The following ZAN variants were observed in gnomAD, a reference collection of about 807,000 sequenced individuals.
ZAN encodes the protein zonadhesin, also known as zonadhesin (gene/pseudogene).
A neutral mutation model predicts 286.2 loss-of-function variants in ZAN; 260 were observed. The ratio of observed to expected loss-of-function variants is 0.91; its 90% CI spans 0.82 to 1.01. The LOEUF (loss-of-function observed/expected upper bound fraction) is 1.01. Ranked by LOEUF, ZAN falls within the 50% of genes least tolerant of loss-of-function variation. ZAN has a pLI of 0.00. For synonymous variants in ZAN, 1,368 were observed against 1,417.5 expected (o/e 0.97, Z 0.79); for missense variants, 3,410 against 3,639.2 (o/e 0.94, Z 1.62).
intron 2 of ZAN, 114 bp downstream of exon 2, chr7:100,734,335 A>C (rs1325485714): frequency 1.3e-6 from 1 of 764,736 alleles, no homozygotes; most frequent in Admixed American, 3.3e-5. Context: ...AGATCTGGAG[A>C]GAGGCCAGGC....
In ZAN at chr7:100,760,403, C is replaced by G; in HGVS notation, c.3709C>G (p.Gln1237Glu). The G allele has an allele frequency of 6.2e-7, 1 of 1,613,786 alleles. No homozygotes were observed. The highest frequency in any genetic ancestry group is 8.5e-7 in the Non-Finnish European group (1 of 1,179,798). Residue 1237 changes from glutamine (Q) to glutamate (E), a missense_variant, in exon 19 of 48, where the codon CAA becomes GAA. Gln to Glu is a conservative substitution (Grantham distance 29). Around this residue, in one of 7 missense-constraint regions of ZAN, gnomAD observed 1,042 missense variants for 1,058.0 expected, o/e 0.98. Coordinates refer to ENST00000613979, the MANE Select transcript of ZAN (RefSeq NM_003386.3). ...CCCTGCCTTCCAGGTTGGGGGTCAGCAAGTTACTCTCCCAGCCATACCCTC... is the reference window on the plus strand; with the variant it reads ...CCCTGCCTTCCAGGTTGGGGGTCAGGAAGTTACTCTCCCAGCCATACCCTC... ...KGRRTLVGGQ[Q>E]VTLPAIPSKG...
chr7:100,758,282 T>C lies in ZAN; in HGVS notation c.3390T>C (p.Ser1130=). 2 of 1,613,338 alleles carry C rather than the reference T, an allele frequency of 1.2e-6. No individual in the cohort carries two copies. Among genetic ancestry groups the C allele is most frequent in the Non-Finnish European group, 1.7e-6 (2 of 1,179,870 alleles). The part of the protein sequence containing the change: ...WPGSRVECQI[S]QCGTHTVCQL... ...GCAGTCGGGTCGAGTGCCAGATCTCTCAGTGTGGGACACACACCGTGTGCC... is the reference window on the plus strand; with the variant it reads ...GCAGTCGGGTCGAGTGCCAGATCTCCCAGTGTGGGACACACACCGTGTGCC... Residue 1130 remains serine (S), a synonymous_variant, in exon 16 of 48, where the codon TCT becomes TCC. Coordinates refer to ENST00000613979, the MANE Select transcript of ZAN (RefSeq NM_003386.3).
At chr7:100,746,144 C>T (rs1405695808) in intron 7 of ZAN, among the ~76,000 whole-genome samples, 1 of 152,084 alleles carries the variant, frequency 6.6e-6, no homozygotes, top group Non-Finnish European at 1.5e-5. Context: ...GGGAGGATCA[C>T]CTGAGCCCGG....
chr7:100,774,949 T>TTTA (rs1810650294), intron 31 of ZAN, among the ~76,000 whole-genome samples: 1 of 152,086 alleles, frequency 6.6e-6, no homozygotes, highest in Non-Finnish European at 1.5e-5. Flanking sequence ...TGTTTGTTTT[T>TTTA]GATGCAGTGT....
rs952888066 is a variant in ZAN, at chr7:100,766,959, C to T, written c.4613-51C>T. On this transcript the variant is annotated intron_variant, in intron 24 of 47. Coordinates refer to ENST00000613979, the MANE Select transcript of ZAN (RefSeq NM_003386.3). ...CCAGGATGGCAGCTCTGAGTCAAAG[C>T]TTCCGGGGCATGGAGGAGTGAGACT... 1.2e-5 allele frequency: 20 copies of T among 1,602,394 alleles called. No individual in the cohort carries two copies. In the African/African-American group the frequency reaches 2.3e-4, roughly 18 times the overall value.
At chr7:100,762,428 T>C in intron 20 of ZAN, 70 bp downstream of exon 20, 286 of 1,420,310 alleles carry the variant, frequency 2.0e-4, no homozygotes, top group South Asian at 2.3e-4. Context: ...TCTTTTTTTT[T>C]TTTTTTTTTT....
chr7:100,738,898 T>C lies in ZAN; in HGVS notation c.766+285T>C, dbSNP rs1437783493. ...TTCTCCCTCTCCCTCTCCCTCTCCCTCTCCCTCTCCCTCTCCCTCTCCCTC... is the reference window on the plus strand; with the variant it reads ...TTCTCCCTCTCCCTCTCCCTCTCCCCCTCCCTCTCCCTCTCCCTCTCCCTC... On this transcript the variant is annotated intron_variant, in intron 7 of 47. Transcript: ENST00000613979. 1.7e-3 allele frequency among the ~76,000 whole-genome samples: 5 copies of C among 2,892 alleles called. No individual in the cohort carries two copies. The South Asian group carries it at 0.068, about 39-fold the overall frequency. 1.9% of individuals were successfully genotyped at this position (2,892 alleles called of 152,430 possible).
At chr7:100,737,171 G>A in intron 5 of ZAN, 91 bp downstream of exon 5, 3 of 1,426,210 alleles carry the variant, frequency 2.1e-6, no homozygotes, top group Middle Eastern at 1.7e-4. Context: ...GGATTGTGGG[G>A]GCCAAGCCAT....
chr7:100,793,295 C>T (rs1195545594), intron 42 of ZAN, among the ~76,000 whole-genome samples: 2 of 150,478 alleles, frequency 1.3e-5, no homozygotes, highest in East Asian at 1.9e-4. Context: ...GCCGTGATCA[C>T]GCCAGCCTGG....
chr7:100,735,698 CT>C (rs1807249054), intron 2 of ZAN, 21 bp from the exon 3 acceptor site: 1 of 1,489,474 alleles, frequency 6.7e-7, no homozygotes, highest in South Asian at 1.2e-5. Flanking sequence ...TGCATTTTTG[CT>C]TTCTTCAAAC....
Position 100,784,692 on chromosome 7 carries a change from T to C in ZAN, c.6692T>C (p.Leu2231Pro). ...LPSCSPSCWD[L>P]DGRCEGAKVP... Reference sequence around the variant, plus strand: ...TCCTGCTCACCCTCCTGCTGGGACCTGGATGGCCGGTGTGAGGGCGCCAAA... The same window carrying C: ...TCCTGCTCACCCTCCTGCTGGGACCCGGATGGCCGGTGTGAGGGCGCCAAA... Residue 2231 changes from leucine to proline, a missense_variant, in exon 36 of 48, where the codon CTG becomes CCG. Leu to Pro is a moderately conservative substitution (Grantham distance 98, BLOSUM62 -3). This residue lies in a region of ZAN where 1,289 missense variants were observed against 1,314.3 expected (regional missense o/e 0.98). Coordinates refer to ENST00000613979, the MANE Select transcript of ZAN (RefSeq NM_003386.3). 1 of 1,613,918 alleles carries C rather than the reference T, an allele frequency of 6.2e-7. No homozygotes were observed. The highest frequency in any genetic ancestry group is 2.2e-5 in the East Asian group (1 of 44,870).
intron 11 of ZAN, among the ~76,000 whole-genome samples, chr7:100,749,058 G>A (rs991765282): frequency 2.6e-5 from 4 of 152,036 alleles, no homozygotes; most frequent in Admixed American, 1.3e-4. Context: ...TAAAAAAATA[G>A]GCCAGGCATG....
chr7:100,794,379 G>T (rs1812212544), intron 44 of ZAN, 121 bp downstream of exon 44: 2 of 1,444,600 alleles, frequency 1.4e-6, no homozygotes, highest in Non-Finnish European at 1.8e-6. Context: ...GTCTGTCCCT[G>T]CCTTTGTAGG....
At chr7:100,759,690 C>T (rs1384687656) in intron 17 of ZAN, 31 bp from the exon 18 acceptor site, 2 of 1,563,334 alleles carry the variant, frequency 1.3e-6, no homozygotes, top group South Asian at 1.2e-5. Context: ...AAATGAGCCA[C>T]TGGGCTCTCT....
rs1275031385 is a variant in ZAN at position 100,767,859 on chromosome 7, T to C, written c.4889T>C (p.Val1630Ala). The C allele has an allele frequency of 6.2e-7, 1 of 1,613,864 alleles. No individual in the cohort carries two copies. Among genetic ancestry groups the C allele is most frequent in the Non-Finnish European group, 8.5e-7 (1 of 1,179,832 alleles). ...MLNGHRVALPVWLAQGRVTIR... is the reference protein window; with the variant it reads ...MLNGHRVALPAWLAQGRVTIR... The stretch of plus-strand genomic sequence containing the variant: ...AATGGCCATCGGGTGGCCCTACCTG[T>C]GTGGCTTGCACAAGGCCGGGTGACC... Residue 1630 changes from valine (V) to alanine (A), a missense_variant, in exon 26 of 48, where the codon GTG becomes GCG. Physicochemically the swap from Val to Ala is moderately conservative, Grantham distance 64 (BLOSUM62 0). Coordinates refer to ENST00000613979, the MANE Select transcript of ZAN (RefSeq NM_003386.3).
chr7:100,766,572 T>C lies in ZAN; in HGVS notation c.4518T>C (p.Cys1506=), dbSNP rs1190407628. 1.3e-6 allele frequency: 2 copies of C among 1,552,174 alleles called. No individual in the cohort carries two copies. The highest frequency in any genetic ancestry group is 2.4e-5 in the South Asian group (2 of 84,058). Residue 1506 remains cysteine, a synonymous_variant, in exon 24 of 48, where the codon TGT becomes TGC. Coordinates refer to ENST00000613979, the MANE Select transcript of ZAN (RefSeq NM_003386.3). Reference sequence around the variant, plus strand: ...CAGGCTGCAAAGAGTTGTGCGTCTGTGAAAGCAACAACAGAATTCGCTGCC... The same window carrying C: ...CAGGCTGCAAAGAGTTGTGCGTCTGCGAAAGCAACAACAGAATTCGCTGCC... ...YKPGCKELCV[C]ESNNRIRCQP...
chr7:100,746,063 A>G (rs1808195444), intron 7 of ZAN, among the ~76,000 whole-genome samples: 1 of 151,840 alleles, frequency 6.6e-6, no homozygotes, highest in South Asian at 2.1e-4. Flanking sequence ...ATCTTTTCAA[A>G]AAAAAATGCA....
intron 9 of ZAN, 150 bp from the exon 10 acceptor site, chr7:100,747,987 G>GAAAA (rs3884114): frequency 1.8e-3 from 1,058 of 582,648 alleles, no homozygotes; most frequent in Non-Finnish European, 2.8e-3. Flanking sequence ...GCAAGACTCT[G>GAAAA]AAAAAAAAAA....
rs1198399165 is a variant in ZAN at position 100,794,000 on chromosome 7, C to T, written c.7968C>T (p.Ser2656=). ...CCCTGGCTGACTGTGGCTGCACCAG[C>T]AATGGCATCTACTACCAGGTCTGAG... ...EPPLADCGCT[S]NGIYYQLGSS... The change falls in exon 43 of 48, where the codon AGC becomes AGT. Residue 2656 remains serine, a synonymous_variant. Coordinates refer to ENST00000613979, the MANE Select transcript of ZAN (RefSeq NM_003386.3). 6.2e-7 allele frequency: 1 copy of T among 1,613,504 alleles called. No homozygotes were observed. Among genetic ancestry groups the T allele is most frequent in the Non-Finnish European group, 8.5e-7 (1 of 1,179,764 alleles).
Sources: gnomAD v4.1 joint callset for allele counts (sites outside exome capture counted in the v4.1 genomes callset) on GRCh38, gnomAD v4.1.1 for gene constraint, gnomAD v4.1.1 regional missense constraint, MANE v1.5 for transcripts, NCBI Gene and HGNC (gene_info 2026-07-23, HGNC 2026-07-21) for gene names.